The following HEPACAM variants were observed in gnomAD, a reference collection of about 807,000 sequenced individuals.
HEPACAM encodes hepatocyte cell adhesion molecule.
Under a neutral mutation model 38.3 loss-of-function variants are expected in HEPACAM, and 18 were observed. That is an observed-to-expected ratio of 0.47 (90% confidence interval 0.33 to 0.70). The LOEUF (loss-of-function observed/expected upper bound fraction) is 0.70, where lower values mean the gene tolerates loss of function less well. HEPACAM is among the 30% of genes least tolerant of loss of function. The probability of loss-of-function intolerance (pLI) is 0.03; values close to 1 mark genes in which losing one functional copy is unlikely to be tolerated. For synonymous variants in HEPACAM, 216 were observed against 243.1 expected, an observed-to-expected ratio of 0.89 and a Z score of 1.04; for missense variants, 466 against 563.0, an observed-to-expected ratio of 0.83 and a Z score of 1.74.
chr11:124,923,866 G>C lies in HEPACAM; in HGVS notation c.572C>G (p.Ser191Trp). ...LKDGKPLLND[S>W]RMLLSPDQKV... ...TTGGTCGGGGGACAGGAGCATTCTC[G>C]AGTCATTGAGGAGGGGCTTGCCATC... Residue 191 changes from serine to tryptophan, a missense_variant, in exon 3 of 7, where the codon TCG becomes TGG. Coordinates refer to ENST00000298251, the MANE Select transcript of HEPACAM (RefSeq NM_152722.5). The C allele has an allele frequency of 6.2e-7, 1 of 1,614,050 alleles. No individual in the cohort carries two copies. The highest frequency in any genetic ancestry group is 8.5e-7 in the Non-Finnish European group (1 of 1,180,030).
Position 124,919,674 on chromosome 11 carries a change from G to A in HEPACAM, c.*1464C>T. On this transcript the variant is annotated 3_prime_UTR_variant, in exon 7 of 7. Transcript: ENST00000298251. ...GGGAGCTGAGACAGGCATGCTGTGG[G>A]GTTCAGGGCAGAGGGGGCAAACTAG... is the stretch of plus-strand genomic sequence containing the variant. The A allele has an allele frequency of 6.6e-7, 1 of 1,509,098 alleles. No homozygotes were observed. The highest frequency in any genetic ancestry group is 1.8e-5 in the Admixed American group (1 of 55,604). The allele number at this position is 1,509,098 out of a possible 1,614,324, so 93.5% of individuals were successfully genotyped here. A position where few individuals can be genotyped will look rare whatever the true frequency, so the allele number is the denominator to read the frequency against.
At position 124,929,933 on chromosome 11, in the gene HEPACAM, T is replaced by C. The variant is rs544401289; in HGVS notation, c.86-4864A>G. On this transcript the variant is annotated intron_variant, in intron 1 of 6. Transcript: ENST00000298251. The stretch of plus-strand genomic sequence containing the variant: ...TAAATTTACCTTTTAAAAGTGTCAA[T>C]GGGGGTAGTGCCAAATATGTGTTCT... 5.4e-4 allele frequency among the ~76,000 whole-genome samples: 82 copies of C among 152,260 alleles called. 1 individual carries two copies. The highest frequency in any genetic ancestry group is 1.8e-3 in the African/African-American group (74 of 41,588).
rs1947185040 is a variant in HEPACAM at position 124,924,789 on chromosome 11, G to A, written c.366C>T (p.Val122=). The A allele has an allele frequency of 1.2e-6, 2 of 1,613,948 alleles. No individual in the cohort carries two copies. The highest frequency in any genetic ancestry group is 1.1e-5 in the South Asian group (1 of 91,066). Residue 122 remains valine, a synonymous_variant, in exon 2 of 7, where the codon GTC becomes GTT. Transcript: ENST00000298251. The surrounding 1 kb of genome is among the most constrained non-coding windows in gnomAD (Gnocchi z 4.4). The part of the protein sequence containing the change: ...LQLADEGTYE[V]EISITDDTFT... Reference sequence around the variant, plus strand: ...AGGTGTCGTCGGTGATGGAGATCTCGACCTCATAGGTGCCCTCATCGGCCA... The same window carrying A: ...AGGTGTCGTCGGTGATGGAGATCTCAACCTCATAGGTGCCCTCATCGGCCA...
At position 124,935,844 on chromosome 11, in the gene HEPACAM, C is replaced by T. The variant is rs1017598358; in HGVS notation, c.85+78G>A. ...CACTCCTGCCCCAAAGGCATTCAGGCCCTCCACTCTCCCCTCCGTCTGCTG... is the reference window on the plus strand; with the variant it reads ...CACTCCTGCCCCAAAGGCATTCAGGTCCTCCACTCTCCCCTCCGTCTGCTG... On this transcript the variant is annotated intron_variant, in intron 1 of 6. Transcript: ENST00000298251. 4 of 1,242,436 alleles carry T rather than the reference C, an allele frequency of 3.2e-6. No individual in the cohort carries two copies. In the African/African-American group the frequency reaches 4.4e-5, roughly 14 times the overall value. The allele number at this position is 1,242,436 out of a possible 1,614,324, so 77.0% of individuals were successfully genotyped here.
chr11:124,920,557 C>G lies in HEPACAM; in HGVS notation c.*581G>C. ...GGTACCAGGTGCCCAGGGAAGAAGG[C>G]CTTCACAATGATCCCCCCAGCTCAG... On this transcript the variant is annotated 3_prime_UTR_variant, in exon 7 of 7. Coordinates refer to ENST00000298251, the MANE Select transcript of HEPACAM (RefSeq NM_152722.5). 7.4e-7 allele frequency: 1 copy of G among 1,357,044 alleles called. No individual in the cohort carries two copies. Among genetic ancestry groups the G allele is most frequent in the Non-Finnish European group, 9.7e-7 (1 of 1,034,862 alleles). The allele number at this position is 1,357,044 out of a possible 1,614,324, so 84.1% of individuals were successfully genotyped here.
rs549915717 is a variant in HEPACAM at position 124,932,743 on chromosome 11, G to A, written c.85+3179C>T. Among the ~76,000 whole-genome samples the A allele has an allele frequency of 6.6e-5, 10 of 152,210 alleles. No homozygotes were observed. In the South Asian group the frequency reaches 8.3e-4, roughly 13 times the overall value. On this transcript the variant is annotated intron_variant, in intron 1 of 6. Coordinates refer to ENST00000298251, the MANE Select transcript of HEPACAM (RefSeq NM_152722.5). ...CAAAGAGAACTAGTGCAAGTGATACGTATCACTTACAGACCTTGTTTGGCA... is the reference window on the plus strand; with the variant it reads ...CAAAGAGAACTAGTGCAAGTGATACATATCACTTACAGACCTTGTTTGGCA...
intron 1 of HEPACAM, among the ~76,000 whole-genome samples, chr11:124,934,324 C>T (rs948033339): frequency 2.6e-5 from 4 of 152,036 alleles, no homozygotes; most frequent in African/African-American, 4.8e-5. Flanking sequence ...CTCTCTTGAT[C>T]TATTGCAATA....
In HEPACAM at chr11:124,922,369, C is replaced by T. The variant is rs374691571; in HGVS notation, c.948+19G>A. 1 of 1,611,586 alleles carries T rather than the reference C, an allele frequency of 6.2e-7. No homozygotes were observed. The highest frequency in any genetic ancestry group is 1.3e-5 in the African/African-American group (1 of 74,870). On this transcript the variant is annotated intron_variant, in intron 6 of 6. Transcript: ENST00000298251. ...GGGATCACTGCATGTTTCTGGGCAC[C>T]CAGTCCAGAGCCGCTCACCTTGTCC... is the stretch of plus-strand genomic sequence containing the variant.
chr11:124,928,648 T>A (rs1947246839), intron 1 of HEPACAM, among the ~76,000 whole-genome samples: 1 of 152,174 alleles, frequency 6.6e-6, no homozygotes, highest in Non-Finnish European at 1.5e-5. Flanking sequence ...CTCACTGAGA[T>A]AAATGCATAC....
Position 124,920,946 on chromosome 11 carries a change from A to T in HEPACAM, c.*192T>A, listed in dbSNP as rs886047929. 1 of 1,361,658 alleles carries T rather than the reference A, an allele frequency of 7.3e-7. No individual in the cohort carries two copies. The highest frequency in any genetic ancestry group is 1.5e-5 in the African/African-American group (1 of 64,944). The allele number at this position is 1,361,658 out of a possible 1,614,324, so 84.3% of individuals were successfully genotyped here. On this transcript the variant is annotated 3_prime_UTR_variant, in exon 7 of 7. Transcript: ENST00000298251. ...GAAGCAAATGCGACCCGGTTTCACC[A>T]TATCAACACTGCCGCCTCCGCGCAC... is the stretch of plus-strand genomic sequence containing the variant.
At chr11:124,925,824 GA>G (rs1947200433) in intron 1 of HEPACAM, among the ~76,000 whole-genome samples, 2 of 152,190 alleles carry the variant, frequency 1.3e-5, no homozygotes, top group African/African-American at 4.8e-5. Flanking sequence ...CTTAGAATCA[GA>G]AAAAGCTTTT....
chr11:124,932,254 GT>G, intron 1 of HEPACAM, among the ~76,000 whole-genome samples: 1 of 152,272 alleles, frequency 6.6e-6, no homozygotes, highest in South Asian at 2.1e-4. Flanking sequence ...CACCTACAAT[GT>G]GGGGGTGAAC....
Position 124,923,800 on chromosome 11 carries a change from T to C in HEPACAM, c.638A>G (p.Asp213Gly). 6.2e-7 allele frequency: 1 copy of C among 1,614,152 alleles called. No homozygotes were observed. The highest frequency in any genetic ancestry group is 8.5e-7 in the Non-Finnish European group (1 of 1,180,024). The change falls in exon 3 of 7, where the codon GAC (aspartate) becomes GGC (glycine). Residue 213 changes from aspartate to glycine, a missense_variant. By Grantham distance (94) the Asp-to-Gly change is moderately conservative. Coordinates refer to ENST00000298251, the MANE Select transcript of HEPACAM (RefSeq NM_152722.5). Reference sequence around the variant, plus strand: ...GTTCTCCACCATGCAGCTGTACAGGTCGTCATCCTCCATGAGCACGCGGGT... The same window carrying C: ...GTTCTCCACCATGCAGCTGTACAGGCCGTCATCCTCCATGAGCACGCGGGT... ...TITRVLMEDD[D>G]LYSCMVENPI...
intron 1 of HEPACAM, among the ~76,000 whole-genome samples, chr11:124,928,435 A>G (rs1217955248): frequency 6.6e-6 from 1 of 151,850 alleles, no homozygotes; most frequent in African/African-American, 2.4e-5. Context: ...GGGAACATCT[A>G]CCCCCTTTCT....
chr11:124,923,973 G>A lies in HEPACAM; in HGVS notation c.465C>T (p.Thr155=), dbSNP rs1311631179. The A allele has an allele frequency of 6.2e-7, 1 of 1,611,278 alleles. No homozygotes were observed. The highest frequency in any genetic ancestry group is 2.2e-5 in the East Asian group (1 of 44,884). The change falls in exon 3 of 7, where the codon ACC becomes ACT. Residue 155 remains threonine, a synonymous_variant. Transcript: ENST00000298251. ...ISRPQVLVAS[T]TVLELSEAFT... Reference sequence around the variant, plus strand: ...AGGCCTCGCTGAGCTCCAGCACAGTGGTTGAAGCCACCAACACCTGTGGCC... The same window carrying A: ...AGGCCTCGCTGAGCTCCAGCACAGTAGTTGAAGCCACCAACACCTGTGGCC...
chr11:124,924,898 T>C lies in HEPACAM; in HGVS notation c.257A>G (p.Glu86Gly), dbSNP rs1420082675. ...PVTVVQSIGT[E>G]VIGTLRPDYR... ...GTCAGGCCGCAGGGTGCCGATGACCTCTGTGCCAATGGACTGCACCACGGT... is the reference window on the plus strand; with the variant it reads ...GTCAGGCCGCAGGGTGCCGATGACCCCTGTGCCAATGGACTGCACCACGGT... Residue 86 changes from glutamate (E) to glycine (G), a missense_variant, in exon 2 of 7, where the codon GAG becomes GGG. Physicochemically the swap from Glu to Gly is moderately conservative, Grantham distance 98. Coordinates refer to ENST00000298251, the MANE Select transcript of HEPACAM (RefSeq NM_152722.5). The surrounding 1 kb of genome is among the most constrained non-coding windows in gnomAD (Gnocchi z 4.4). The C allele has an allele frequency of 1.2e-6, 2 of 1,614,084 alleles. No individual in the cohort carries two copies. The highest frequency in any genetic ancestry group is 1.7e-6 in the Non-Finnish European group (2 of 1,180,030).
At chr11:124,926,478 A>G (rs189082819) in intron 1 of HEPACAM, among the ~76,000 whole-genome samples, 1 of 152,278 alleles carries the variant, frequency 6.6e-6, no homozygotes, top group Non-Finnish European at 1.5e-5. Flanking sequence ...TGGATGCCCT[A>G]TCCAGAGGGC....
rs577725134 is a variant in HEPACAM at position 124,928,176 on chromosome 11, C to A, written c.86-3107G>T. On this transcript the variant is annotated intron_variant, in intron 1 of 6. Transcript: ENST00000298251. The stretch of plus-strand genomic sequence containing the variant: ...TATCCCCCCTCAATAACCCAAGGAG[C>A]AACTGGGAATCCCTACTGGCTCTGC... 9.5e-4 allele frequency among the ~76,000 whole-genome samples: 144 copies of A among 152,284 alleles called. 1 individual carries two copies. The highest frequency in any genetic ancestry group is 3.4e-3 in the Middle Eastern group (1 of 294).
At position 124,936,024 on chromosome 11, in the gene HEPACAM, A is replaced by T. The variant is rs918527439; in HGVS notation, c.-18T>A. ...CTCTTCATTTTGGGTGGCGTTCTCC[A>T]GCTCTAGTGCAGACAATTAGCATGA... On this transcript the variant is annotated 5_prime_UTR_variant, in exon 1 of 7. Coordinates refer to ENST00000298251, the MANE Select transcript of HEPACAM (RefSeq NM_152722.5). 16 of 1,608,342 alleles carry T rather than the reference A, an allele frequency of 9.9e-6. No homozygotes were observed. The highest frequency in any genetic ancestry group is 1.4e-5 in the Non-Finnish European group (16 of 1,175,022).
Sources: allele counts gnomAD v4.1 joint callset (sites outside exome capture counted in the v4.1 genomes callset), GRCh38; gene constraint gnomAD v4.1.1; non-coding constraint Gnocchi (gnomAD v3.1); transcripts MANE v1.5; gene names NCBI Gene and HGNC (gene_info 2026-07-23, HGNC 2026-07-21).